Variants in WIZ observed in about 807,000 individuals in gnomAD.
WIZ encodes the protein WIZ zinc finger, also known as protein Wiz.
A neutral mutation model predicts 140.2 loss-of-function variants in WIZ; 25 were observed. The ratio of observed to expected loss-of-function variants is 0.18; its 90% CI spans 0.13 to 0.25. The LOEUF (loss-of-function observed/expected upper bound fraction) is 0.25, where lower values mean the gene tolerates loss of function less well. Ranked by LOEUF, WIZ falls within the 10% of genes least tolerant of loss-of-function variation. The probability of loss-of-function intolerance (pLI) is 1.00; values close to 1 mark genes in which losing one functional copy is unlikely to be tolerated. For missense variants in WIZ, 2,231 were observed against 2,632.6 expected (o/e 0.85, Z 3.34); for synonymous variants, 1,125 against 1,154.3 (o/e 0.97, Z 0.51).
chr19:15,427,374 A>G lies in WIZ; in HGVS notation c.3974T>C (p.Ile1325Thr), dbSNP rs754684545. ...NGSPIDTLRE[I>T]LKRRTQSRPG... ...CCGAGACTGGGTCCGTCTCTTCAGGATCTCCCGCAGCGTGTCGATGGGCGA... is the reference window on the plus strand; with the variant it reads ...CCGAGACTGGGTCCGTCTCTTCAGGGTCTCCCGCAGCGTGTCGATGGGCGA... Residue 1325 changes from isoleucine (I) to threonine (T), a missense_variant, in exon 9 of 13, where the codon ATC becomes ACC. By Grantham distance (89) the Ile-to-Thr change is moderately conservative. Transcript: ENST00000673675. This position sits in a 1 kb window ranked among gnomAD's most constrained non-coding sequence, Gnocchi z 6.4. 2 of 1,613,230 alleles carry G rather than the reference A, an allele frequency of 1.2e-6. No individual in the cohort carries two copies. Among genetic ancestry groups the G allele is most frequent in the South Asian group, 2.2e-5 (2 of 91,046 alleles).
rs761160882 is a variant in WIZ at position 15,427,542 on chromosome 19, G to A, written c.3815-9C>T. ...TGGCTCTGGGCCTGAGGCTGCAGCA[G>A]GAGGAGAAAGGGGCAGTTAGCATCG... On this transcript the variant is annotated splice_polypyrimidine_tract_variant and intron_variant, in intron 8 of 12. Coordinates refer to ENST00000673675, the MANE Select transcript of WIZ (RefSeq NM_001371589.1). This position sits in a 1 kb window ranked among gnomAD's most constrained non-coding sequence, Gnocchi z 6.4. The A allele has an allele frequency of 6.3e-7, 1 of 1,599,046 alleles. No individual in the cohort carries two copies. The highest frequency in any genetic ancestry group is 1.1e-5 in the South Asian group (1 of 89,980).
At position 15,428,923 on chromosome 19, in the gene WIZ, TG is replaced by T. The variant is rs975494797; in HGVS notation, c.3416-416del. ...CTTCAAGGGAACATAAGGTGCCAAATGGGGGGCTCCATTGGGCAGGGGGTGA... is the reference window on the plus strand; with the variant it reads ...CTTCAAGGGAACATAAGGTGCCAAATGGGGGCTCCATTGGGCAGGGGGTGA... On this transcript the variant is annotated intron_variant, in intron 7 of 12. Transcript: ENST00000673675. The surrounding 1 kb of genome is among the most constrained non-coding windows in gnomAD (Gnocchi z 6.4). Among the ~76,000 whole-genome samples, 2 of 152,006 alleles carry T rather than the reference TG, an allele frequency of 1.3e-5. No individual in the cohort carries two copies. Among genetic ancestry groups the T allele is most frequent in the African/African-American group, 4.8e-5 (2 of 41,368 alleles).
rs1282843800 is a variant in WIZ, at chr19:15,439,439, C to T, written c.1555G>A (p.Asp519Asn). 2.6e-6 allele frequency: 4 copies of T among 1,531,968 alleles called. No individual in the cohort carries two copies. Among genetic ancestry groups the T allele is most frequent in the Admixed American group, 2.0e-5 (1 of 50,578 alleles). The allele number at this position is 1,531,968 out of a possible 1,614,324, so 94.9% of individuals were successfully genotyped here. A position where few individuals can be genotyped will look rare whatever the true frequency, so the allele number is the denominator to read the frequency against. The change falls in exon 4 of 13, where the codon GAC (aspartate) becomes AAC (asparagine). Residue 519 changes from aspartate to asparagine, a missense_variant. Coordinates refer to ENST00000673675, the MANE Select transcript of WIZ (RefSeq NM_001371589.1). This position sits in a 1 kb window ranked among gnomAD's most constrained non-coding sequence, Gnocchi z 7.0. ...TTGCCAAAGTAGTCCACAGCAGTGTCAGGGAAGCAGGCGTGAGCATCCTGG... is the reference window on the plus strand; with the variant it reads ...TTGCCAAAGTAGTCCACAGCAGTGTTAGGGAAGCAGGCGTGAGCATCCTGG... Reference protein sequence around the residue: ...TSQDAHACFPDTAVDYFGKAE... With the variant: ...TSQDAHACFPNTAVDYFGKAE...
In WIZ at chr19:15,427,350, C is replaced by T. The variant is rs199966379; in HGVS notation, c.3998G>A (p.Arg1333Gln). Residue 1333 changes from arginine (R) to glutamine (Q), a missense_variant, in exon 9 of 13, where the codon CGG becomes CAG. Transcript: ENST00000673675. This position sits in a 1 kb window ranked among gnomAD's most constrained non-coding sequence, Gnocchi z 6.4. ...TGGTGGGTTGGGAGGTCCACCAGGC[C>T]GAGACTGGGTCCGTCTCTTCAGGAT... is the stretch of plus-strand genomic sequence containing the variant. ...REILKRRTQS[R>Q]PGGPPNPPGP... 9.9e-6 allele frequency: 16 copies of T among 1,613,532 alleles called. No individual in the cohort carries two copies. The highest frequency in any genetic ancestry group is 6.7e-5 in the African/African-American group (5 of 74,964).
chr19:15,429,896 G>A lies in WIZ; in HGVS notation c.3105C>T (p.Gly1035=). ...TCAGTGAGCTGGACTTCTTAGCCAGGCCTGGGGGCAGCCCAAGGTGGGCGT... is the reference window on the plus strand; with the variant it reads ...TCAGTGAGCTGGACTTCTTAGCCAGACCTGGGGGCAGCCCAAGGTGGGCGT... The part of the protein sequence containing the change: ...LPDAHLGLPP[G]LAKKSSSLKE... Residue 1035 remains glycine (G), a synonymous_variant, in exon 7 of 13, where the codon GGC becomes GGT. Transcript: ENST00000673675. The A allele has an allele frequency of 2.0e-6, 3 of 1,535,926 alleles. No individual in the cohort carries two copies. Among genetic ancestry groups the A allele is most frequent in the Non-Finnish European group, 2.6e-6 (3 of 1,146,764 alleles).
intron 2 of WIZ, among the ~76,000 whole-genome samples, chr19:15,445,212 G>A (rs1350646741): frequency 1.3e-5 from 2 of 152,236 alleles, no homozygotes; most frequent in African/African-American, 2.4e-5. Context: ...GGCAAGGGGT[G>A]TCCATAAGCA....
chr19:15,428,411 C>T lies in WIZ; in HGVS notation c.3513G>A (p.Leu1171=). The change falls in exon 8 of 13, where the codon CTG becomes CTA. Residue 1171 remains leucine (L), a synonymous_variant. Transcript: ENST00000673675. This position sits in a 1 kb window ranked among gnomAD's most constrained non-coding sequence, Gnocchi z 6.4. ...KGLSSHARAH[L]RHLGVSDPDA... ...CCGGATCGCTGACGCCCAGGTGGCG[C>T]AGGTGGGCACGGGCGTGGCTAGACA... 6.5e-7 allele frequency: 1 copy of T among 1,535,630 alleles called. No individual in the cohort carries two copies. The highest frequency in any genetic ancestry group is 8.7e-7 in the Non-Finnish European group (1 of 1,146,796).
Position 15,436,859 on chromosome 19 carries a change from G to A in WIZ, c.2687C>T (p.Thr896Met), listed in dbSNP as rs371531400. The change falls in exon 5 of 13, where the codon ACG (threonine) becomes ATG (methionine). Residue 896 changes from threonine (T) to methionine (M), a missense_variant. Thr to Met is a moderately conservative substitution (Grantham distance 81). Coordinates refer to ENST00000673675, the MANE Select transcript of WIZ (RefSeq NM_001371589.1). ...LTSRRPRLPLTVPFPPTWAED... is the reference protein window; with the variant it reads ...LTSRRPRLPLMVPFPPTWAED... ...AGCCCAGGTGGGTGGAAAGGGCACC[G>A]TGAGAGGTAAGCGGGGCCGACGGGA... 38 of 1,612,028 alleles carry A rather than the reference G, an allele frequency of 2.4e-5. No individual in the cohort carries two copies. The highest frequency in any genetic ancestry group is 2.3e-4 in the African/African-American group (17 of 74,798).
At position 15,440,741 on chromosome 19, in the gene WIZ, G is replaced by C; in HGVS notation, c.279-26C>G. ...CTGCAAGGAAGTGCCAATGGGGACA[G>C]GTTAGCCATGGGCTGCAGTTTTCCT... On this transcript the variant is annotated intron_variant, in intron 3 of 12. Transcript: ENST00000673675. The surrounding 1 kb of genome is among the most constrained non-coding windows in gnomAD (Gnocchi z 6.2). 6.9e-7 allele frequency: 1 copy of C among 1,456,628 alleles called. No individual in the cohort carries two copies. Among genetic ancestry groups the C allele is most frequent in the Non-Finnish European group, 9.0e-7 (1 of 1,107,386 alleles). 90.2% of individuals were successfully genotyped at this position (1,456,628 alleles called of 1,614,324 possible).
In WIZ at chr19:15,427,990, G is replaced by A. The variant is rs1346829412; in HGVS notation, c.3814+120C>T. The stretch of plus-strand genomic sequence containing the variant: ...GCCAACAAGATCTCTGGGCAGAACC[G>A]GCCCACTGCCAAGGGCCCCTGTCTA... On this transcript the variant is annotated intron_variant, in intron 8 of 12. Coordinates refer to ENST00000673675, the MANE Select transcript of WIZ (RefSeq NM_001371589.1). The surrounding 1 kb of genome is among the most constrained non-coding windows in gnomAD (Gnocchi z 6.4). The A allele has an allele frequency of 5.8e-6, 8 of 1,373,606 alleles. No individual in the cohort carries two copies. The highest frequency in any genetic ancestry group is 7.7e-6 in the Non-Finnish European group (8 of 1,038,734). The allele number at this position is 1,373,606 out of a possible 1,614,324, so 85.1% of individuals were successfully genotyped here. A position where few individuals can be genotyped will look rare whatever the true frequency, so the allele number is the denominator to read the frequency against.
chr19:15,423,416 T>C (rs1218877153), intron 12 of WIZ, among the ~76,000 whole-genome samples, 181 bp from the exon 13 acceptor site: 3 of 152,116 alleles, frequency 2.0e-5, no homozygotes, highest in African/African-American at 7.2e-5. Flanking sequence ...CCACTCACCA[T>C]GGGGTCATGG....
At position 15,448,162 on chromosome 19, in the gene WIZ, T is replaced by C. The variant is rs1049226050; in HGVS notation, c.146A>G (p.Tyr49Cys). Residue 49 changes from tyrosine (Y) to cysteine (C), a missense_variant, in exon 2 of 13, where the codon TAC becomes TGC. Tyr to Cys is a radical substitution (Grantham distance 194). This residue lies in a region of WIZ where 85 missense variants were observed against 90.9 expected (regional missense o/e 0.94). Coordinates refer to ENST00000673675, the MANE Select transcript of WIZ (RefSeq NM_001371589.1). ...GGGGCCCTCCTTGGTGACAGGCAGG[T>C]AACGGGTGGACCGGAAGATGCCACC... is the stretch of plus-strand genomic sequence containing the variant. ...GEGGIFRSTR[Y>C]LPVTKEGPRD... 1.2e-6 allele frequency: 2 copies of C among 1,612,730 alleles called. No homozygotes were observed. Among genetic ancestry groups the C allele is most frequent in the Non-Finnish European group, 1.7e-6 (2 of 1,179,358 alleles).
Position 15,428,060 on chromosome 19 carries a change from G to C in WIZ, c.3814+50C>G. Reference sequence around the variant, plus strand: ...GGGGGCTGTGACCCCCCCCCCGGGAGGGGCTCCAGGGCCCGCAGTGAGGAG... The same window carrying C: ...GGGGGCTGTGACCCCCCCCCCGGGACGGGCTCCAGGGCCCGCAGTGAGGAG... On this transcript the variant is annotated intron_variant, in intron 8 of 12. Transcript: ENST00000673675. The surrounding 1 kb of genome is among the most constrained non-coding windows in gnomAD (Gnocchi z 6.4). The C allele has an allele frequency of 1.3e-6, 2 of 1,518,236 alleles. No homozygotes were observed. Among genetic ancestry groups the C allele is most frequent in the Non-Finnish European group, 8.8e-7 (1 of 1,140,498 alleles). 94.0% of individuals were successfully genotyped at this position (1,518,236 alleles called of 1,614,324 possible).
chr19:15,445,111 C>T (rs1969872174), intron 2 of WIZ, among the ~76,000 whole-genome samples: 1 of 152,248 alleles, frequency 6.6e-6, no homozygotes, highest in Non-Finnish European at 1.5e-5. Context: ...AGATGAGGCG[C>T]TAGGTCGCAG....
chr19:15,449,605 G>A (rs1404412416), intron 1 of WIZ, 193 bp downstream of exon 1: 15 of 151,564 alleles, frequency 9.9e-5, no homozygotes, highest in African/African-American at 3.4e-4. Context: ...GAGGTAGGGG[G>A]GACACCTGCC....
intron 5 of WIZ, among the ~76,000 whole-genome samples, chr19:15,434,585 C>CAAA (rs5827287): frequency 2.4e-5 from 3 of 124,098 alleles, no homozygotes; most frequent in African/African-American, 6.1e-5. Flanking sequence ...GACTCCATCT[C>CAAA]AAAAAAAAAA....
At chr19:15,447,364 C>T (rs1969954688) in intron 2 of WIZ, among the ~76,000 whole-genome samples, 3 of 152,232 alleles carry the variant, frequency 2.0e-5, no homozygotes, top group Admixed American at 6.5e-5. Context: ...TCTCCCAGGT[C>T]TCCCAGGCAT....
At chr19:15,431,464 T>C (rs1969232225) in intron 5 of WIZ, among the ~76,000 whole-genome samples, 1 of 152,032 alleles carries the variant, frequency 6.6e-6, no homozygotes, top group Non-Finnish European at 1.5e-5. Context: ...TCCCAGGGGA[T>C]CTCAAAGAAA....
rs1485115917 is a variant in WIZ, at chr19:15,439,124, C to T, written c.1870G>A (p.Glu624Lys). The change falls in exon 4 of 13, where the codon GAG becomes AAG. Residue 624 changes from glutamate to lysine, a missense_variant. Coordinates refer to ENST00000673675, the MANE Select transcript of WIZ (RefSeq NM_001371589.1). The surrounding 1 kb of genome is among the most constrained non-coding windows in gnomAD (Gnocchi z 7.0). Reference protein sequence around the residue: ...SEEEEEEEEEEDVVLTSEMDF... With the variant: ...SEEEEEEEEEKDVVLTSEMDF... ...ATCTCGGAGGTCAGCACTACATCCT[C>T]CTCCTCCTCCTCCTCCTCCTCCTCT... is the stretch of plus-strand genomic sequence containing the variant. 1.3e-6 allele frequency: 2 copies of T among 1,487,744 alleles called. No individual in the cohort carries two copies. The highest frequency in any genetic ancestry group is 1.8e-6 in the Non-Finnish European group (2 of 1,117,500). 92.2% of individuals were successfully genotyped at this position (1,487,744 alleles called of 1,614,324 possible). A position where few individuals can be genotyped will look rare whatever the true frequency, so the allele number is the denominator to read the frequency against.
Sources: gnomAD v4.1 joint callset for allele counts (sites outside exome capture counted in the v4.1 genomes callset) on GRCh38, gnomAD v4.1.1 for gene constraint, gnomAD v4.1.1 regional missense constraint, Gnocchi (gnomAD v3.1) non-coding constraint, MANE v1.5 for transcripts, NCBI Gene and HGNC (gene_info 2026-07-23, HGNC 2026-07-21) for gene names.